Variants in SCAF4 observed in about 807,000 individuals in gnomAD.
SCAF4 encodes the protein SR-related and CTD-associated factor 4.
SCAF4 carries 25 observed loss-of-function variants against 129.8 expected under a neutral mutation model. The ratio of observed to expected loss-of-function variants is 0.19; its 90% CI spans 0.14 to 0.27. The LOEUF is 0.27. Among genes scored for constraint, SCAF4 ranks in the 10% least tolerant of loss-of-function variants. The pLI is 1.00. For synonymous variants in SCAF4, 551 were observed against 497.7 expected, an observed-to-expected ratio of 1.11 and a Z score of -1.43; for missense variants, 1,246 against 1,457.1, an observed-to-expected ratio of 0.86 and a Z score of 2.36.
intron 1 of SCAF4, among the ~76,000 whole-genome samples, chr21:31,722,221 T>TTA (rs1461456634): frequency 6.6e-6 from 1 of 152,168 alleles, no homozygotes; most frequent in Non-Finnish European, 1.5e-5. Flanking sequence ...AATCCCCCAG[T>TTA]TATACAGTCA....
Position 31,689,384 on chromosome 21 carries a change from A to G in SCAF4, c.1886-920T>C, listed in dbSNP as rs148321988. Among the ~76,000 whole-genome samples, 410 of 151,372 alleles carry G rather than the reference A, an allele frequency of 2.7e-3. 1 individual carries two copies. The highest frequency in any genetic ancestry group is 9.3e-3 in the African/African-American group (383 of 41,288). ...GCAATCTCAACTCACTGCAACCTCTATCTTCTGAGTTCCAGTGATTCTCCA... is the reference window on the plus strand; with the variant it reads ...GCAATCTCAACTCACTGCAACCTCTGTCTTCTGAGTTCCAGTGATTCTCCA... On this transcript the variant is annotated intron_variant, in intron 15 of 19. Coordinates refer to ENST00000286835, the MANE Select transcript of SCAF4 (RefSeq NM_020706.2).
Position 31,703,896 on chromosome 21 carries a change from A to G in SCAF4, c.190T>C (p.Tyr64His). Residue 64 changes from tyrosine (Y) to histidine (H), a missense_variant, in exon 4 of 20, where the codon TAT becomes CAT. Coordinates refer to ENST00000286835, the MANE Select transcript of SCAF4 (RefSeq NM_020706.2). ...TGTCGCACAATTGAGTCAATTACATATAATCCCGGAACCTTGTATTCTGGT... is the reference window on the plus strand; with the variant it reads ...TGTCGCACAATTGAGTCAATTACATGTAATCCCGGAACCTTGTATTCTGGT... ...CKPEYKVPGL[Y>H]VIDSIVRQSR... The G allele has an allele frequency of 6.3e-7, 1 of 1,590,470 alleles. No individual in the cohort carries two copies. Among genetic ancestry groups the G allele is most frequent in the Non-Finnish European group, 8.6e-7 (1 of 1,163,428 alleles).
intron 14 of SCAF4, among the ~76,000 whole-genome samples, chr21:31,691,523 T>C (rs949622068): frequency 1.3e-5 from 2 of 152,278 alleles, no homozygotes; most frequent in Non-Finnish European, 2.9e-5. Flanking sequence ...GGACAAAACA[T>C]ATTGCTAAAA....
intron 1 of SCAF4, among the ~76,000 whole-genome samples, chr21:31,727,264 G>A (rs1245825931): frequency 1.3e-5 from 2 of 151,968 alleles, no homozygotes; most frequent in Admixed American, 1.3e-4. Flanking sequence ...ATTTTTAGTA[G>A]AGACAGGGTT....
At position 31,683,237 on chromosome 21, in the gene SCAF4, G is replaced by C. The variant is rs1601189097; in HGVS notation, c.2488+1812C>G. Among the ~76,000 whole-genome samples the C allele has an allele frequency of 2.0e-5, 3 of 152,290 alleles. No homozygotes were observed. In the South Asian group the frequency reaches 6.2e-4, roughly 32 times the overall value. On this transcript the variant is annotated intron_variant, in intron 19 of 19. Transcript: ENST00000286835. ...GGGTCCATCTAGTGGGAGGAAGATGGACATGCAAACAGTATGTCAGGTGAT... is the reference window on the plus strand; with the variant it reads ...GGGTCCATCTAGTGGGAGGAAGATGCACATGCAAACAGTATGTCAGGTGAT...
In SCAF4 at chr21:31,709,852, CT is replaced by C. The variant is rs900182701; in HGVS notation, c.31-3496del. Among the ~76,000 whole-genome samples the C allele has an allele frequency of 3.3e-4, 44 of 135,008 alleles. 1 individual carries two copies. Among genetic ancestry groups the C allele is most frequent in the South Asian group, 3.1e-3 (13 of 4,236 alleles). 88.6% of individuals were successfully genotyped at this position (135,008 alleles called of 152,430 possible). On this transcript the variant is annotated intron_variant, in intron 1 of 19. Coordinates refer to ENST00000286835, the MANE Select transcript of SCAF4 (RefSeq NM_020706.2). Reference sequence around the variant, plus strand: ...CTGTTACACCTGTTTTGAGATGATACTTAAAAAAAAAAAAAAAGGGTCATAT... The same window carrying C: ...CTGTTACACCTGTTTTGAGATGATACTAAAAAAAAAAAAAAAGGGTCATAT...
chr21:31,702,139 A>G, intron 5 of SCAF4, 105 bp downstream of exon 5: 1 of 1,480,352 alleles, frequency 6.8e-7, no homozygotes, highest in Non-Finnish European at 9.3e-7. Context: ...TGTAAACTCA[A>G]GTTTCCTTCT....
intron 12 of SCAF4, 53 bp downstream of exon 12, chr21:31,693,241 A>T: frequency 7.9e-7 from 1 of 1,271,190 alleles, no homozygotes; most frequent in Non-Finnish European, 1.0e-6. Flanking sequence ...AACACTTTAA[A>T]CCCAAGACAT....
intron 6 of SCAF4, 149 bp downstream of exon 6, chr21:31,701,627 C>T (rs2050534294): frequency 1.3e-6 from 1 of 761,286 alleles, no homozygotes; most frequent in East Asian, 3.0e-5. Context: ...CCCTGTTCCT[C>T]CTACATTACT....
At chr21:31,695,816 C>G (rs553261503) in intron 9 of SCAF4, among the ~76,000 whole-genome samples, 1 of 152,162 alleles carries the variant, frequency 6.6e-6, no homozygotes, top group African/African-American at 2.4e-5. Flanking sequence ...AGAAGGAAGG[C>G]CCTTCCAAGG....
At chr21:31,729,623 A>G (rs2051298196) in intron 1 of SCAF4, among the ~76,000 whole-genome samples, 1 of 152,202 alleles carries the variant, frequency 6.6e-6, no homozygotes, top group Non-Finnish European at 1.5e-5. Flanking sequence ...AAGCACTACA[A>G]ATCAAGTAGG....
intron 7 of SCAF4, among the ~76,000 whole-genome samples, chr21:31,700,112 C>T (rs1396958538): frequency 6.6e-6 from 1 of 151,810 alleles, no homozygotes; most frequent in East Asian, 1.9e-4. Flanking sequence ...AGGTGCACAC[C>T]ACCATACCCA....
chr21:31,697,315 C>T (rs75905997), intron 7 of SCAF4, among the ~76,000 whole-genome samples: 20,949 of 151,978 alleles, frequency 0.14, 1,749 homozygotes, highest in Middle Eastern at 0.18. Flanking sequence ...CAGAAACTTT[C>T]ATGTAAAAAA....
At chr21:31,731,618 C>T in intron 1 of SCAF4, 45 bp downstream of exon 1, 1 of 1,581,260 alleles carries the variant, frequency 6.3e-7, no homozygotes, top group Non-Finnish European at 8.6e-7. Context: ...CGAGCCCCGG[C>T]TCCCGCAGCA....
chr21:31,696,834 C>A, intron 7 of SCAF4, 84 bp from the exon 8 acceptor site: 18 of 1,175,752 alleles, frequency 1.5e-5, no homozygotes, highest in Non-Finnish European at 2.2e-5. Context: ...GGGATGTTTA[C>A]CACCATCTAG....
chr21:31,705,742 G>C (rs1184455191), intron 2 of SCAF4, among the ~76,000 whole-genome samples: 1 of 151,956 alleles, frequency 6.6e-6, no homozygotes, highest in Admixed American at 6.6e-5. Context: ...CAACCTTATG[G>C]GACAAAACCA....
intron 19 of SCAF4, among the ~76,000 whole-genome samples, chr21:31,680,932 T>C (rs922659361): frequency 6.6e-5 from 10 of 152,222 alleles, no homozygotes; most frequent in African/African-American, 1.9e-4. Flanking sequence ...ATAAAAACAT[T>C]TGCGCTTGTT....
chr21:31,692,051 A>G, intron 13 of SCAF4, 121 bp from the exon 14 acceptor site: 1 of 604,688 alleles, frequency 1.7e-6, no homozygotes, highest in South Asian at 2.4e-5. Context: ...TGTAAGGTTA[A>G]ATTCATTTCT....
intron 4 of SCAF4, among the ~76,000 whole-genome samples, chr21:31,702,638 A>G (rs1478895881): frequency 6.6e-6 from 1 of 152,160 alleles, no homozygotes; most frequent in African/African-American, 2.4e-5. Flanking sequence ...TGACATTTTC[A>G]TTTTATTTTA....
Sources: allele counts gnomAD v4.1 joint callset (sites outside exome capture counted in the v4.1 genomes callset), GRCh38; gene constraint gnomAD v4.1.1; transcripts MANE v1.5; gene names NCBI Gene and HGNC (gene_info 2026-07-23, HGNC 2026-07-21).